The following ITGAD variants were observed in gnomAD, a reference collection of about 807,000 sequenced individuals.
ITGAD encodes the protein integrin subunit alpha D.
ITGAD carries 105 observed loss-of-function variants against 139.0 expected under a neutral mutation model. The observed-to-expected ratio is 0.76, with a 90% confidence interval of 0.65 to 0.89. The LOEUF is 0.89. Among genes scored for constraint, ITGAD ranks in the 40% least tolerant of loss-of-function variants. ITGAD has a pLI of 0.00. For synonymous variants in ITGAD, 569 were observed against 598.3 expected, an observed-to-expected ratio of 0.95 and a Z score of 0.71; for missense variants, 1,384 against 1,487.3, an observed-to-expected ratio of 0.93 and a Z score of 1.14.
At chr16:31,411,659 C>T in intron 14 of ITGAD, 142 bp downstream of exon 14, 1 of 814,412 alleles carries the variant, frequency 1.2e-6, no homozygotes, top group Non-Finnish European at 2.0e-6. Context: ...CTCTTCTCTC[C>T]TTTGTTCCAG....
rs200191046 is a variant in ITGAD, at chr16:31,424,145, C to A, written c.3203C>A (p.Thr1068Lys). The change falls in exon 28 of 30, where the codon ACG becomes AAG. Residue 1068 changes from threonine to lysine, a missense_variant. Transcript: ENST00000389202. Reference sequence around the variant, plus strand: ...TTGGTCGTGAGTGTGGCTGAAATTACGTTCGACACATCCGTGTACTCCCAG... The same window carrying A: ...TTGGTCGTGAGTGTGGCTGAAATTAAGTTCGACACATCCGTGTACTCCCAG... Reference protein sequence around the residue: ...KVLVVSVAEITFDTSVYSQLP... With the variant: ...KVLVVSVAEIKFDTSVYSQLP... 4.3e-6 allele frequency: 7 copies of A among 1,614,106 alleles called. No individual in the cohort carries two copies. Among genetic ancestry groups the A allele is most frequent in the Non-Finnish European group, 5.1e-6 (6 of 1,180,062 alleles).
chr16:31,425,936 T>G (rs2082106485), intron 29 of ITGAD, 79 bp from the exon 30 acceptor site: 4 of 895,104 alleles, frequency 4.5e-6, no homozygotes, highest in African/African-American at 3.3e-5. Flanking sequence ...CCTCCTCAGC[T>G]TCCCACAGTG....
At position 31,403,981 on chromosome 16, in the gene ITGAD, C is replaced by A; in HGVS notation, c.704+336C>A. The stretch of plus-strand genomic sequence containing the variant: ...TCCCATCCTGGCTCCCCGTGAGCTA[C>A]TCTGGGTGTAACCCTGGGGTGATGG... On this transcript the variant is annotated intron_variant, in intron 7 of 29. Coordinates refer to ENST00000389202, the MANE Select transcript of ITGAD (RefSeq NM_005353.3). The surrounding 1 kb of genome is among the most constrained non-coding windows in gnomAD (Gnocchi z 4.4). 5.9e-6 allele frequency: 2 copies of A among 341,232 alleles called. No individual in the cohort carries two copies. Among genetic ancestry groups the A allele is most frequent in the Non-Finnish European group, 1.1e-5 (2 of 179,070 alleles). 21.1% of individuals were successfully genotyped at this position (341,232 alleles called of 1,614,324 possible). A position where few individuals can be genotyped will look rare whatever the true frequency, so the allele number is the denominator to read the frequency against.
chr16:31,396,128 C>A (rs2081258377), intron 2 of ITGAD, among the ~76,000 whole-genome samples: 1 of 152,106 alleles, frequency 6.6e-6, no homozygotes, highest in Admixed American at 6.6e-5. Flanking sequence ...CCCCAGAGAA[C>A]CCCTGGTCAG....
Position 31,411,478 on chromosome 16 carries a change from C to G in ITGAD, c.1668C>G (p.His556Gln). 6.2e-7 allele frequency: 1 copy of G among 1,614,112 alleles called. No homozygotes were observed. The stretch of plus-strand genomic sequence containing the variant: ...ACCGGGGTGCTGTCTACCTGTTTCA[C>G]GGAGCCTCAGAATCCGGCATCAGCC... ...QENRGAVYLF[H>Q]GASESGISPS... The change falls in exon 14 of 30, where the codon CAC (histidine) becomes CAG (glutamine). Residue 556 changes from histidine (H) to glutamine (Q), a missense_variant. Physicochemically the swap from His to Gln is conservative, Grantham distance 24. Transcript: ENST00000389202.
In ITGAD at chr16:31,397,778, C is replaced by A; in HGVS notation, c.313-17C>A. 1.2e-6 allele frequency: 2 copies of A among 1,609,356 alleles called. No homozygotes were observed. The highest frequency in any genetic ancestry group is 2.2e-5 in the South Asian group (2 of 90,910). ...GGGGCTGCTAGGGACTCCTGGCTCA[C>A]AGGCTTCTGCCTCCAGGCCTGTGGC... On this transcript the variant is annotated splice_polypyrimidine_tract_variant and intron_variant, in intron 4 of 29. Transcript: ENST00000389202.
intron 5 of ITGAD, 84 bp downstream of exon 5, chr16:31,397,993 C>T: frequency 9.5e-7 from 1 of 1,049,050 alleles, no homozygotes; most frequent in Non-Finnish European, 1.4e-6. Flanking sequence ...GTCTGGGCCC[C>T]TGTGCCCTCC....
chr16:31,419,812 C>CAAAAAAAAAAAAAA (rs1202333629), intron 23 of ITGAD, among the ~76,000 whole-genome samples: 18 of 58,154 alleles, frequency 3.1e-4, no homozygotes, highest in African/African-American at 7.5e-4. Context: ...GGCTCTGTCT[C>CAAAAAAAAAAAAAA]AAAAAAAAAA....
chr16:31,393,813 C>CA (rs2142549949), intron 1 of ITGAD, among the ~76,000 whole-genome samples: 1 of 152,212 alleles, frequency 6.6e-6, no homozygotes, highest in East Asian at 1.9e-4. Flanking sequence ...AAAACTGCAT[C>CA]AGAGTCACAT....
chr16:31,411,241 T>G, intron 13 of ITGAD, 25 bp downstream of exon 13: 2 of 1,611,298 alleles, frequency 1.2e-6, no homozygotes. Context: ...GGACCTAGGC[T>G]GGGTGGGGTC....
intron 15 of ITGAD, 46 bp downstream of exon 15, chr16:31,413,014 A>G (rs778571597): frequency 1.2e-6 from 2 of 1,603,026 alleles, no homozygotes; most frequent in Non-Finnish European, 1.7e-6. Flanking sequence ...TGTCTGATTC[A>G]CCGGTGCTGC....
At chr16:31,416,850 T>C (rs1172638045) in intron 20 of ITGAD, among the ~76,000 whole-genome samples, 1 of 151,938 alleles carries the variant, frequency 6.6e-6, no homozygotes, top group Admixed American at 6.6e-5. Flanking sequence ...AGAGTTAACA[T>C]CCAGATCAAG....
intron 5 of ITGAD, among the ~76,000 whole-genome samples, chr16:31,398,921 G>A (rs1012222209): frequency 6.6e-6 from 1 of 152,192 alleles, no homozygotes; most frequent in East Asian, 1.9e-4. Context: ...GGTAAAGAAC[G>A]TGGTGAGGAA....
chr16:31,402,380 C>T (rs1380900546), intron 6 of ITGAD, 135 bp downstream of exon 6: 3 of 745,726 alleles, frequency 4.0e-6, no homozygotes, highest in East Asian at 2.8e-5. Flanking sequence ...GCTATGGTCC[C>T]AGCACAGGCC....
In ITGAD at chr16:31,411,458, G is replaced by A; in HGVS notation, c.1648G>A (p.Gly550Ser). 6.2e-7 allele frequency: 1 copy of A among 1,614,114 alleles called. No homozygotes were observed. Among genetic ancestry groups the A allele is most frequent in the Non-Finnish European group, 8.5e-7 (1 of 1,180,000 alleles). The change falls in exon 14 of 30, where the codon GGT becomes AGT. Residue 550 changes from glycine to serine, a missense_variant. Gly to Ser is a moderately conservative substitution (Grantham distance 56, BLOSUM62 0). Coordinates refer to ENST00000389202, the MANE Select transcript of ITGAD (RefSeq NM_005353.3). ...IGAPGEQENR[G>S]AVYLFHGASE... ...GGCCCCGGGAGAGCAGGAGAACCGG[G>A]GTGCTGTCTACCTGTTTCACGGAGC...
chr16:31,406,498 C>T (rs2142705054), intron 7 of ITGAD, among the ~76,000 whole-genome samples: 1 of 152,316 alleles, frequency 6.6e-6, no homozygotes, highest in South Asian at 2.1e-4. Context: ...TTTCAGTTAT[C>T]TACTGTTGCC....
chr16:31,420,106 A>G (rs2081979186), intron 23 of ITGAD, among the ~76,000 whole-genome samples: 1 of 152,168 alleles, frequency 6.6e-6, no homozygotes, highest in African/African-American at 2.4e-5. Context: ...GGCTTTTCTG[A>G]GCACCCTGAA....
chr16:31,394,191 G>A (rs1173588315), intron 1 of ITGAD, 45 bp from the exon 2 acceptor site: 1 of 1,278,364 alleles, frequency 7.8e-7, no homozygotes, highest in African/African-American at 1.5e-5. Flanking sequence ...TAGGGATTGG[G>A]GCTTCTTTAA....
chr16:31,402,340 G>C lies in ITGAD; in HGVS notation c.558+95G>C. On this transcript the variant is annotated intron_variant, in intron 6 of 29. Transcript: ENST00000389202. Reference sequence around the variant, plus strand: ...AGGGGTGGGGGCAGGCCAGTGAGCCGTGTGTGATGGGGCTGGGGTGGAGAA... The same window carrying C: ...AGGGGTGGGGGCAGGCCAGTGAGCCCTGTGTGATGGGGCTGGGGTGGAGAA... 3 of 1,084,832 alleles carry C rather than the reference G, an allele frequency of 2.8e-6. No individual in the cohort carries two copies. In the South Asian group the frequency reaches 4.5e-5, roughly 16 times the overall value. The allele number at this position is 1,084,832 out of a possible 1,614,324, so 67.2% of individuals were successfully genotyped here. A position where few individuals can be genotyped will look rare whatever the true frequency, so the allele number is the denominator to read the frequency against.
Sources: allele counts gnomAD v4.1 joint callset (sites outside exome capture counted in the v4.1 genomes callset), GRCh38; gene constraint gnomAD v4.1.1; non-coding constraint Gnocchi (gnomAD v3.1); transcripts MANE v1.5; gene names NCBI Gene and HGNC (gene_info 2026-07-23, HGNC 2026-07-21).